The following THOP1 variants were observed in gnomAD, a reference collection of about 807,000 sequenced individuals.
THOP1 encodes thimet oligopeptidase 1.
Under a neutral mutation model 71.8 loss-of-function variants are expected in THOP1, and 49 were observed. The observed-to-expected ratio is 0.68, with a 90% CI of 0.54 to 0.87. The LOEUF (loss-of-function observed/expected upper bound fraction) is 0.87, where lower values mean the gene tolerates loss of function less well. Ranked by LOEUF, THOP1 falls within the 40% of genes least tolerant of loss-of-function variation. The pLI is 0.00. For synonymous variants in THOP1, 426 were observed against 421.5 expected (o/e 1.01, Z -0.13); for missense variants, 843 against 975.6 (o/e 0.86, Z 1.81).
Position 2,813,319 on chromosome 19 carries a change from G to T in THOP1, c.*43G>T. On this transcript the variant is annotated 3_prime_UTR_variant, in exon 13 of 13. Coordinates refer to ENST00000307741, the MANE Select transcript of THOP1 (RefSeq NM_003249.5). ...GCCCAGTCTGGCCTGCGCTCCCGCC[G>T]CCCTGGTGCCTTAGCCCCCGGCACA... is the stretch of plus-strand genomic sequence containing the variant. 1.3e-6 allele frequency: 2 copies of T among 1,547,788 alleles called. No homozygotes were observed. The highest frequency in any genetic ancestry group is 1.9e-5 in the Admixed American group (1 of 53,740).
Position 2,790,650 on chromosome 19 carries a change from G to GT in THOP1, c.229+18dup. 6.6e-7 allele frequency: 1 copy of GT among 1,521,304 alleles called. No individual in the cohort carries two copies. The highest frequency in any genetic ancestry group is 8.8e-7 in the Non-Finnish European group (1 of 1,134,474). 94.2% of individuals were successfully genotyped at this position (1,521,304 alleles called of 1,614,324 possible). A position where few individuals can be genotyped will look rare whatever the true frequency, so the allele number is the denominator to read the frequency against. On this transcript the variant is annotated intron_variant, in intron 2 of 12. Coordinates refer to ENST00000307741, the MANE Select transcript of THOP1 (RefSeq NM_003249.5). Reference sequence around the variant, plus strand: ...CCTACACAGGTAAGTCCCAGGCAGGGTCTGTGCGTGGGCCGCAGGTGCCGA... The same window carrying GT: ...CCTACACAGGTAAGTCCCAGGCAGGGTTCTGTGCGTGGGCCGCAGGTGCCGA...
Position 2,797,560 on chromosome 19 carries a change from C to T in THOP1, c.486+1372C>T, listed in dbSNP as rs759438555. 4.6e-4 allele frequency among the ~76,000 whole-genome samples: 70 copies of T among 152,254 alleles called. 1 individual carries two copies. Among genetic ancestry groups the T allele is most frequent in the Non-Finnish European group, 2.4e-4 (16 of 68,040 alleles). ...CCGAAGTTACATGAGATACCCAACACCTCATATCCGATAGCCTTTGCCTTC... is the reference window on the plus strand; with the variant it reads ...CCGAAGTTACATGAGATACCCAACATCTCATATCCGATAGCCTTTGCCTTC... On this transcript the variant is annotated intron_variant, in intron 4 of 12. Transcript: ENST00000307741.
intron 5 of THOP1, among the ~76,000 whole-genome samples, chr19:2,800,279 G>A (rs970341817): frequency 2.6e-5 from 4 of 152,184 alleles, no homozygotes; most frequent in African/African-American, 4.8e-5. Flanking sequence ...TCCGTCCCCC[G>A]GGTTCAAGTG....
At chr19:2,810,944 G>C (rs1437387151) in intron 11 of THOP1, among the ~76,000 whole-genome samples, 176 bp downstream of exon 11, 1 of 152,258 alleles carries the variant, frequency 6.6e-6, no homozygotes, top group Non-Finnish European at 1.5e-5. Flanking sequence ...TGCAGCTGCA[G>C]GCCCAGGGTC....
chr19:2,809,773 G>A (rs1916408264), intron 9 of THOP1: 1 of 155,574 alleles, frequency 6.4e-6, no homozygotes, highest in African/African-American at 2.4e-5. Context: ...CATTCCGTCG[G>A]GACAAGGAGT....
At chr19:2,812,082 C>A in intron 12 of THOP1, 1 of 1,295,104 alleles carries the variant, frequency 7.7e-7, no homozygotes, top group Non-Finnish European at 1.0e-6. Flanking sequence ...AGCTCCGTGT[C>A]TTCCCATACG....
chr19:2,805,284 C>T lies in THOP1; in HGVS notation c.750+108C>T. ...CCAGGCTTTGCACTTGGATGGCCTC[C>T]CAATCTCCCTGGCCAGGCCCAGTGG... On this transcript the variant is annotated intron_variant, in intron 6 of 12. Transcript: ENST00000307741. This position sits in a 1 kb window ranked among gnomAD's most constrained non-coding sequence, Gnocchi z 6.6. 7.5e-7 allele frequency: 1 copy of T among 1,324,770 alleles called. No individual in the cohort carries two copies. The highest frequency in any genetic ancestry group is 1.5e-5 in the South Asian group (1 of 66,286). 82.1% of individuals were successfully genotyped at this position (1,324,770 alleles called of 1,614,324 possible). A position where few individuals can be genotyped will look rare whatever the true frequency, so the allele number is the denominator to read the frequency against.
At position 2,805,192 on chromosome 19, in the gene THOP1, CA is replaced by C; in HGVS notation, c.750+17del. ...GTGCAAGGAGGTGAGAAGGCACGGC[CA>C]GGGGGCCCCAGAACAGTGGGTCTGG... is the stretch of plus-strand genomic sequence containing the variant. On this transcript the variant is annotated intron_variant, in intron 6 of 12. Coordinates refer to ENST00000307741, the MANE Select transcript of THOP1 (RefSeq NM_003249.5). The surrounding 1 kb of genome is among the most constrained non-coding windows in gnomAD (Gnocchi z 6.6). 6.2e-7 allele frequency: 1 copy of C among 1,604,286 alleles called. No homozygotes were observed. The highest frequency in any genetic ancestry group is 1.1e-5 in the South Asian group (1 of 89,598).
intron 5 of THOP1, among the ~76,000 whole-genome samples, chr19:2,802,137 C>T (rs1308827987): frequency 6.6e-6 from 1 of 151,264 alleles, no homozygotes; most frequent in Non-Finnish European, 1.5e-5. Flanking sequence ...CCATCTCCAA[C>T]ACTGCCACCT....
chr19:2,812,375 A>G, intron 12 of THOP1: 2 of 1,509,752 alleles, frequency 1.3e-6, no homozygotes, highest in Non-Finnish European at 1.8e-6. Context: ...GCCTGCAGGT[A>G]CCTCGGAGCC....
intron 5 of THOP1, among the ~76,000 whole-genome samples, chr19:2,800,766 C>T (rs925945206): frequency 5.9e-5 from 9 of 152,060 alleles, no homozygotes; most frequent in East Asian, 1.9e-4. Flanking sequence ...TACAATCTGC[C>T]GTAAAGCACG....
At chr19:2,799,001 C>T (rs1022075634) in intron 4 of THOP1, among the ~76,000 whole-genome samples, 2 of 152,210 alleles carry the variant, frequency 1.3e-5, no homozygotes, top group African/African-American at 4.8e-5. Flanking sequence ...TTAGCTGTTT[C>T]TAAAACCAGC....
Position 2,807,795 on chromosome 19 carries a change from G to A in THOP1, c.1240G>A (p.Asp414Asn). Residue 414 changes from aspartate to asparagine, a missense_variant, in exon 8 of 13, where the codon GAC becomes AAC. Transcript: ENST00000307741. ...GGAGGTGGTCGGCAAGTTCTACCTGGACCTGTACCCGCGGTGGGTGAGGGC... is the reference window on the plus strand; with the variant it reads ...GGAGGTGGTCGGCAAGTTCTACCTGAACCTGTACCCGCGGTGGGTGAGGGC... Reference protein sequence around the residue: ...SGEVVGKFYLDLYPREGKYGH... With the variant: ...SGEVVGKFYLNLYPREGKYGH... 1 of 1,510,788 alleles carries A rather than the reference G, an allele frequency of 6.6e-7. No individual in the cohort carries two copies. Among genetic ancestry groups the A allele is most frequent in the Non-Finnish European group, 8.9e-7 (1 of 1,129,558 alleles). 93.6% of individuals were successfully genotyped at this position (1,510,788 alleles called of 1,614,324 possible). A position where few individuals can be genotyped will look rare whatever the true frequency, so the allele number is the denominator to read the frequency against.
intron 12 of THOP1, chr19:2,812,250 C>T (rs1208095461): frequency 1.3e-6 from 2 of 1,534,668 alleles, no homozygotes. Flanking sequence ...GTGCCTCCCG[C>T]TGACTTGGTG....
chr19:2,807,947 T>A, intron 8 of THOP1, 139 bp downstream of exon 8: 1 of 1,064,650 alleles, frequency 9.4e-7, no homozygotes, highest in Non-Finnish European at 1.3e-6. Context: ...GTAGCACCCG[T>A]GGGCACACCA....
Position 2,807,702 on chromosome 19 carries a change from C to A in THOP1, c.1147C>A (p.His383Asn). Reference sequence around the variant, plus strand: ...GGAGCTCCTGGGGCTGGCCTTCCACCACGAGGAGGGCGCCAGTGCCTGGCA... The same window carrying A: ...GGAGCTCCTGGGGCTGGCCTTCCACAACGAGGAGGGCGCCAGTGCCTGGCA... ...YQELLGLAFH[H>N]EEGASAWHED... The change falls in exon 8 of 13, where the codon CAC (histidine) becomes AAC (asparagine). Residue 383 changes from histidine (H) to asparagine (N), a missense_variant. By Grantham distance (68) the His-to-Asn change is moderately conservative. Coordinates refer to ENST00000307741, the MANE Select transcript of THOP1 (RefSeq NM_003249.5). The A allele has an allele frequency of 6.2e-7, 1 of 1,603,852 alleles. No individual in the cohort carries two copies. Among genetic ancestry groups the A allele is most frequent in the Non-Finnish European group, 8.5e-7 (1 of 1,173,304 alleles).
chr19:2,792,735 C>T (rs1239872519), intron 2 of THOP1, among the ~76,000 whole-genome samples: 1 of 151,698 alleles, frequency 6.6e-6, no homozygotes, highest in Non-Finnish European at 1.5e-5. Context: ...CTCACTGCAG[C>T]CTCAACCTCC....
intron 1 of THOP1, among the ~76,000 whole-genome samples, chr19:2,786,194 G>T (rs969921483): frequency 2.0e-5 from 3 of 152,160 alleles, no homozygotes. Context: ...GAGGCGTCCC[G>T]GGAGGAGGGA....
At chr19:2,812,712 C>T (rs1916510804) in intron 12 of THOP1, among the ~76,000 whole-genome samples, 1 of 152,222 alleles carries the variant, frequency 6.6e-6, no homozygotes, top group African/African-American at 2.4e-5. Context: ...TCTCATCTGC[C>T]TCACCTGCCC....
Sources: allele counts gnomAD v4.1 joint callset (sites outside exome capture counted in the v4.1 genomes callset), GRCh38; gene constraint gnomAD v4.1.1; non-coding constraint Gnocchi (gnomAD v3.1); transcripts MANE v1.5; gene names NCBI Gene and HGNC (gene_info 2026-07-23, HGNC 2026-07-21).